The following PIK3R3 variants were observed in gnomAD, a reference collection of about 807,000 sequenced individuals.
The protein encoded by PIK3R3 is phosphoinositide-3-kinase regulatory subunit 3.
A neutral mutation model predicts 62.9 loss-of-function variants in PIK3R3; 64 were observed. That is an observed-to-expected ratio of 1.02 (90% confidence interval 0.83 to 1.25). The LOEUF (loss-of-function observed/expected upper bound fraction) is 1.25. PIK3R3 is among the 50% of genes most tolerant of loss of function. The pLI, the probability that PIK3R3 is intolerant of heterozygous loss-of-function variation, is 0.00. For synonymous variants in PIK3R3, 165 were observed against 189.0 expected, an observed-to-expected ratio of 0.87 and a Z score of 1.04; for missense variants, 614 against 561.6, an observed-to-expected ratio of 1.09 and a Z score of -0.94.
rs188163736 is a variant in PIK3R3 at position 46,040,196 on chromosome 1, C to G, written c.*3477G>C. On this transcript the variant is annotated 3_prime_UTR_variant, in exon 10 of 10. Coordinates refer to ENST00000262741, the MANE Select transcript of PIK3R3 (RefSeq NM_003629.4). ...TGGAGCAAGTTGGCCAGACTGTCCC[C>G]TCTTGGGGAAGGTATTAAACAAAAA... The G allele has an allele frequency of 7.0e-4, 163 of 232,536 alleles. 2 individuals carry two copies. The highest frequency in any genetic ancestry group is 3.5e-3 in the African/African-American group (157 of 45,360). The allele number at this position is 232,536 out of a possible 1,614,324, so 14.4% of individuals were successfully genotyped here. A position where few individuals can be genotyped will look rare whatever the true frequency, so the allele number is the denominator to read the frequency against.
the PIK3R3 span, among the ~76,000 whole-genome samples, chr1:46,148,844 CT>C: frequency 6.6e-6 from 1 of 151,644 alleles, no homozygotes. Context: ...TGATAAATGA[CT>C]TTCTCCATCA....
At chr1:46,105,792 C>A (rs1283652838) in intron 1 of PIK3R3, among the ~76,000 whole-genome samples, 1 of 151,930 alleles carries the variant, frequency 6.6e-6, no homozygotes, top group Non-Finnish European at 1.5e-5. Flanking sequence ...TTGCAGTGAG[C>A]CAAGATTGCG....
intron 1 of PIK3R3, among the ~76,000 whole-genome samples, chr1:46,127,356 AATAT>A (rs1553157057): frequency 5.2e-5 from 7 of 133,962 alleles, no homozygotes; most frequent in African/African-American, 1.9e-4. Context: ...AAAAAAAAAA[AATAT>A]ATATATATAT....
At chr1:46,155,146 C>G in the PIK3R3 span, among the ~76,000 whole-genome samples, 1 of 151,858 alleles carries the variant, frequency 6.6e-6, no homozygotes, top group African/African-American at 2.4e-5. Context: ...ATGGCGAAAC[C>G]CCATCTCTAC....
intron 1 of PIK3R3, among the ~76,000 whole-genome samples, chr1:46,113,297 ATTTTTTTT>A: frequency 7.9e-6 from 1 of 126,912 alleles, no homozygotes; most frequent in Non-Finnish European, 1.6e-5. Context: ...CTATCTCTCA[ATTTTTTTT>A]TTTTTTTTTT....
chr1:46,051,059 G>A (rs1446426846), intron 7 of PIK3R3, among the ~76,000 whole-genome samples: 2 of 152,168 alleles, frequency 1.3e-5, no homozygotes, highest in African/African-American at 4.8e-5. Context: ...AGGTGATAGG[G>A]ATGTTAAGTA....
intron 1 of PIK3R3, among the ~76,000 whole-genome samples, chr1:46,107,040 C>T (rs1477351782): frequency 6.6e-6 from 1 of 152,152 alleles, no homozygotes; most frequent in Non-Finnish European, 1.5e-5. Context: ...GGATTACAGG[C>T]GTGAGCCACC....
Position 46,077,591 on chromosome 1 carries a change from G to A in PIK3R3, c.238C>T (p.Arg80Trp), listed in dbSNP as rs554826078. ...AAGAAGGTCCCATCTGGCATATCCC[G>A]CAATTTGTCATTTACCTCCTCCCTG... is the stretch of plus-strand genomic sequence containing the variant. ...ISREEVNDKL[R>W]DMPDGTFLVR... Residue 80 changes from arginine to tryptophan, a missense_variant, in exon 3 of 10, where the codon CGG becomes TGG. Transcript: ENST00000262741. 1.2e-6 allele frequency: 2 copies of A among 1,608,160 alleles called. No individual in the cohort carries two copies. The highest frequency in any genetic ancestry group is 1.7e-6 in the Non-Finnish European group (2 of 1,174,878).
At chr1:46,108,745 T>C (rs1407692876) in intron 1 of PIK3R3, among the ~76,000 whole-genome samples, 1 of 152,194 alleles carries the variant, frequency 6.6e-6, no homozygotes, top group Admixed American at 6.5e-5. Context: ...CAGTAATCCC[T>C]TCTTGCCTCC....
In PIK3R3 at chr1:46,040,741, A is replaced by T. The variant is rs1219534379; in HGVS notation, c.*2932T>A. ...CAAAAAAGAGACCCGTGGAAGACAC[A>T]TTGGCTCTCAAAGCTTCTTCAAAGC... On this transcript the variant is annotated 3_prime_UTR_variant, in exon 10 of 10. Transcript: ENST00000262741. 5.1e-5 allele frequency: 10 copies of T among 197,952 alleles called. No homozygotes were observed. 12.3% of individuals were successfully genotyped at this position (197,952 alleles called of 1,614,324 possible). A position where few individuals can be genotyped will look rare whatever the true frequency, so the allele number is the denominator to read the frequency against.
At chr1:46,052,999 T>A (rs1422935185) in intron 7 of PIK3R3, among the ~76,000 whole-genome samples, 1 of 152,226 alleles carries the variant, frequency 6.6e-6, no homozygotes, top group Non-Finnish European at 1.5e-5. Flanking sequence ...CGTATTTTAC[T>A]ACCAGTCTTC....
chr1:46,146,566 C>T, the PIK3R3 span, among the ~76,000 whole-genome samples: 1 of 152,252 alleles, frequency 6.6e-6, no homozygotes, highest in Admixed American at 6.5e-5. Flanking sequence ...CCAAAAATGT[C>T]AAATGTTCCC....
chr1:46,078,496 T>G (rs987301828), intron 2 of PIK3R3, among the ~76,000 whole-genome samples: 8 of 152,106 alleles, frequency 5.3e-5, no homozygotes, highest in Admixed American at 2.0e-4. Context: ...GGGCTGAGAC[T>G]GCACCACTGC....
intron 1 of PIK3R3, among the ~76,000 whole-genome samples, chr1:46,121,571 G>A (rs1654686407): frequency 6.6e-6 from 1 of 152,100 alleles, no homozygotes; most frequent in Non-Finnish European, 1.5e-5. Flanking sequence ...GCGGTGGGAG[G>A]ATTGCTTGAG....
intron 1 of PIK3R3, among the ~76,000 whole-genome samples, chr1:46,090,110 T>G (rs2149426434): frequency 6.6e-6 from 1 of 152,274 alleles, no homozygotes; most frequent in African/African-American, 2.4e-5. Flanking sequence ...CTTTTTAAAC[T>G]ATAAACCCAT....
Position 46,044,041 on chromosome 1 carries a change from G to C in PIK3R3, c.1188-170C>G, listed in dbSNP as rs1476453882. 6.6e-6 allele frequency among the ~76,000 whole-genome samples: 1 copy of C among 152,016 alleles called. No individual in the cohort carries two copies. Among genetic ancestry groups the C allele is most frequent in the Non-Finnish European group, 1.5e-5 (1 of 68,010 alleles). ...CCCTACAGACTTGGCCACAGATACGGGTGTTAAAACAACCACAAATGTAAG... is the reference window on the plus strand; with the variant it reads ...CCCTACAGACTTGGCCACAGATACGCGTGTTAAAACAACCACAAATGTAAG... On this transcript the variant is annotated intron_variant, in intron 9 of 9. Coordinates refer to ENST00000262741, the MANE Select transcript of PIK3R3 (RefSeq NM_003629.4). This position sits in a 1 kb window ranked among gnomAD's most constrained non-coding sequence, Gnocchi z 4.2.
At chr1:46,053,310 C>CT (rs988613991) in intron 7 of PIK3R3, among the ~76,000 whole-genome samples, 3 of 151,796 alleles carry the variant, frequency 2.0e-5, no homozygotes, top group African/African-American at 4.8e-5. Flanking sequence ...TTTTTGTTGT[C>CT]TTTTTTTGCT....
At chr1:46,153,485 C>A in the PIK3R3 span, among the ~76,000 whole-genome samples, 1 of 152,212 alleles carries the variant, frequency 6.6e-6, no homozygotes, top group Non-Finnish European at 1.5e-5. Context: ...TGGCTTCCAG[C>A]GGGGACAATG....
chr1:46,105,125 A>T, intron 1 of PIK3R3: 1 of 713,574 alleles, frequency 1.4e-6, no homozygotes, highest in Admixed American at 1.9e-5. Flanking sequence ...AATAGAATGG[A>T]ACCTGTCCCC....
Sources: gnomAD v4.1 joint callset for allele counts (sites outside exome capture counted in the v4.1 genomes callset) on GRCh38, gnomAD v4.1.1 for gene constraint, Gnocchi (gnomAD v3.1) non-coding constraint, MANE v1.5 for transcripts, NCBI Gene and HGNC (gene_info 2026-07-23, HGNC 2026-07-21) for gene names.